Variants in ESCO1 observed in about 807,000 individuals in gnomAD.
ESCO1 encodes the protein N-acetyltransferase ESCO1.
A neutral mutation model predicts 83.5 loss-of-function variants in ESCO1; 33 were observed. The ratio of observed to expected loss-of-function variants is 0.40; its 90% CI spans 0.30 to 0.53. The LOEUF (loss-of-function observed/expected upper bound fraction) is 0.53. ESCO1 is among the 20% of genes least tolerant of loss of function. The probability of loss-of-function intolerance (pLI) is 0.63; values close to 1 mark genes in which losing one functional copy is unlikely to be tolerated. For missense variants in ESCO1, 855 were observed against 968.0 expected (o/e 0.88, Z 1.55); for synonymous variants, 332 against 324.3 (o/e 1.02, Z -0.25).
intron 8 of ESCO1, among the ~76,000 whole-genome samples, chr18:21,551,370 G>A (rs2038045574): frequency 6.6e-6 from 1 of 152,020 alleles, no homozygotes; most frequent in African/African-American, 2.4e-5. Flanking sequence ...GGCGGAGCTT[G>A]TAGTGAGCCG....
At chr18:21,559,284 G>A (rs940652998) in intron 8 of ESCO1, among the ~76,000 whole-genome samples, 3 of 152,208 alleles carry the variant, frequency 2.0e-5, no homozygotes, top group Non-Finnish European at 2.9e-5. Flanking sequence ...CCATCAAGGG[G>A]GGGTTGGAGG....
Position 21,573,588 on chromosome 18 carries a change from C to T in ESCO1, c.1256G>A (p.Arg419Gln), listed in dbSNP as rs773176634. 1.2e-5 allele frequency: 19 copies of T among 1,613,928 alleles called. No homozygotes were observed. In the Admixed American group the frequency reaches 1.3e-4, roughly 11 times the overall value. The change falls in exon 4 of 12, where the codon CGA becomes CAA. Residue 419 changes from arginine to glutamine, a missense_variant. By Grantham distance (43) the Arg-to-Gln change is conservative. Coordinates refer to ENST00000269214, the MANE Select transcript of ESCO1 (RefSeq NM_052911.3). ...TAAAGCTGGTGGTGAAAAACTGGTT[C>T]GTAATAAGCCTAATTTAGGGGAAAC... ...SQVSPKLGLL[R>Q]TSFSPPALEM...
intron 1 of ESCO1, among the ~76,000 whole-genome samples, chr18:21,594,999 C>A (rs923352995): frequency 6.6e-6 from 1 of 150,570 alleles, no homozygotes; most frequent in African/African-American, 2.4e-5. Context: ...TACAGGAGAG[C>A]ACCACCATGT....
At chr18:21,532,759 CAA>C in intron 10 of ESCO1, 99 bp from the exon 11 acceptor site, 1 of 1,138,234 alleles carries the variant, frequency 8.8e-7, no homozygotes, top group Non-Finnish European at 1.2e-6. Context: ...ACTGGCTTAA[CAA>C]ACTATGGGGC....
At chr18:21,563,004 T>C (rs1479410328) in intron 7 of ESCO1, among the ~76,000 whole-genome samples, 1 of 151,648 alleles carries the variant, frequency 6.6e-6, no homozygotes, top group African/African-American at 2.4e-5. Context: ...CCCGAGCAGC[T>C]GGGATTATAG....
At chr18:21,579,021 G>A (rs549305454) in intron 2 of ESCO1, among the ~76,000 whole-genome samples, 2 of 152,130 alleles carry the variant, frequency 1.3e-5, no homozygotes, top group African/African-American at 2.4e-5. Flanking sequence ...CCACTACACC[G>A]GCTAATTTTT....
At chr18:21,583,317 G>T (rs1272927624) in intron 2 of ESCO1, among the ~76,000 whole-genome samples, 1 of 151,426 alleles carries the variant, frequency 6.6e-6, no homozygotes, top group Non-Finnish European at 1.5e-5. Context: ...AAGAAATTCT[G>T]TCTTTTACAA....
intron 5 of ESCO1, among the ~76,000 whole-genome samples, chr18:21,567,061 G>A (rs886579287): frequency 6.6e-6 from 1 of 152,138 alleles, no homozygotes; most frequent in Non-Finnish European, 1.5e-5. Flanking sequence ...CTTTAGCAGA[G>A]AAACAACAGG....
At position 21,574,675 on chromosome 18, in the gene ESCO1, T is replaced by C; in HGVS notation, c.169A>G (p.Ile57Val). ...CGTGTTTCCAATTCTGGCTGATTTATTTTACTTTCACTGGAAGATTTAGCC... is the reference window on the plus strand; with the variant it reads ...CGTGTTTCCAATTCTGGCTGATTTACTTTACTTTCACTGGAAGATTTAGCC... ...SQAKSSSESK[I>V]NQPELETRMS... The change falls in exon 4 of 12, where the codon ATA (isoleucine) becomes GTA (valine). Residue 57 changes from isoleucine (I) to valine (V), a missense_variant. Ile to Val is a conservative substitution (Grantham distance 29). Transcript: ENST00000269214. 9 of 1,613,762 alleles carry C rather than the reference T, an allele frequency of 5.6e-6. No individual in the cohort carries two copies. The highest frequency in any genetic ancestry group is 1.1e-5 in the South Asian group (1 of 91,068).
chr18:21,556,258 TA>T (rs2038111132), intron 8 of ESCO1, among the ~76,000 whole-genome samples: 1 of 152,026 alleles, frequency 6.6e-6, no homozygotes, highest in African/African-American at 2.4e-5. Context: ...TGACTCAAAA[TA>T]AAAATAAAAT....
intron 8 of ESCO1, among the ~76,000 whole-genome samples, chr18:21,541,207 C>A (rs1205925953): frequency 1.3e-5 from 2 of 152,110 alleles, no homozygotes; most frequent in Non-Finnish European, 2.9e-5. Context: ...AAAATGTTCT[C>A]AAGATTTGAA....
chr18:21,578,844 T>C lies in ESCO1; in HGVS notation c.-693-3067A>G, dbSNP rs545505194. Among the ~76,000 whole-genome samples the C allele has an allele frequency of 2.0e-5, 3 of 151,980 alleles. No homozygotes were observed. The South Asian group carries it at 6.2e-4, about 32-fold the overall frequency. On this transcript the variant is annotated intron_variant, in intron 2 of 11. Coordinates refer to ENST00000269214, the MANE Select transcript of ESCO1 (RefSeq NM_052911.3). The stretch of plus-strand genomic sequence containing the variant: ...TCCCAAGTAGCTGGAACTACAGGCA[T>C]GCACCACCACGCCTGGCTATTTTTT...
At chr18:21,582,306 T>C (rs937344082) in intron 2 of ESCO1, among the ~76,000 whole-genome samples, 3 of 151,950 alleles carry the variant, frequency 2.0e-5, no homozygotes, top group African/African-American at 7.3e-5. Context: ...CTTGGCTCAC[T>C]GCATCCTCCG....
chr18:21,531,927 T>C (rs1054125528), intron 11 of ESCO1, among the ~76,000 whole-genome samples: 14 of 146,032 alleles, frequency 9.6e-5, no homozygotes, highest in African/African-American at 3.5e-4. Flanking sequence ...TTGGCTGACC[T>C]AAAAACCTCT....
chr18:21,593,984 T>A (rs1187877933), intron 1 of ESCO1, among the ~76,000 whole-genome samples: 2 of 152,138 alleles, frequency 1.3e-5, no homozygotes, highest in Admixed American at 6.5e-5. Context: ...TTGAACCACA[T>A]AGAGTCTTTG....
intron 7 of ESCO1, among the ~76,000 whole-genome samples, chr18:21,563,069 C>T (rs1039840119): frequency 2.6e-5 from 4 of 151,960 alleles, no homozygotes; most frequent in South Asian, 2.1e-4. Context: ...TGGGCTTTCT[C>T]GGTGTTGGTC....
chr18:21,537,373 C>G lies in ESCO1; in HGVS notation c.2044-1188G>C, dbSNP rs571602445. Among the ~76,000 whole-genome samples the G allele has an allele frequency of 2.0e-5, 3 of 152,158 alleles. No individual in the cohort carries two copies. The South Asian group carries it at 6.2e-4, about 32-fold the overall frequency. On this transcript the variant is annotated intron_variant, in intron 9 of 11. Coordinates refer to ENST00000269214, the MANE Select transcript of ESCO1 (RefSeq NM_052911.3). ...GGCAACACAGCAGAACCCATCTTTA[C>G]AAAATTGTTTTATTAGCCAGATGTG...
intron 1 of ESCO1, among the ~76,000 whole-genome samples, chr18:21,590,858 C>G (rs918480932): frequency 1.3e-5 from 2 of 151,620 alleles, no homozygotes; most frequent in Non-Finnish European, 2.9e-5. Context: ...TGAGGCAGAA[C>G]TGCTTGAACC....
At chr18:21,586,298 T>C (rs1234658193) in intron 1 of ESCO1, among the ~76,000 whole-genome samples, 4 of 152,262 alleles carry the variant, frequency 2.6e-5, no homozygotes, top group Non-Finnish European at 2.9e-5. Flanking sequence ...TTTCCATGCC[T>C]AGCTATTTCA....
Sources: gnomAD v4.1 joint callset for allele counts (sites outside exome capture counted in the v4.1 genomes callset) on GRCh38, gnomAD v4.1.1 for gene constraint, MANE v1.5 for transcripts, NCBI Gene and HGNC (gene_info 2026-07-23, HGNC 2026-07-21) for gene names.